Variants in ADGRL2 observed in about 807,000 individuals in gnomAD.
ADGRL2 encodes calcium-independent alpha-latrotoxin receptor 2.
In ADGRL2, 44 loss-of-function variants were observed where a neutral mutation model predicts 157.4. The observed-to-expected ratio is 0.28, with a 90% CI of 0.22 to 0.36. The LOEUF is 0.36. ADGRL2 is among the 10% of genes least tolerant of loss of function. ADGRL2 has a pLI of 1.00. For missense variants in ADGRL2, 1,510 were observed against 1,768.9 expected, an observed-to-expected ratio of 0.85 and a Z score of 2.63; for synonymous variants, 585 against 624.7, an observed-to-expected ratio of 0.94 and a Z score of 0.95.
chr1:81,343,087 C>CTTTTTTTTT lies in ADGRL2; in HGVS notation c.-302+36582_-302+36583insTTTTTTTTT, dbSNP rs764039251. Among the ~76,000 whole-genome samples, 207 of 127,462 alleles carry CTTTTTTTTT rather than the reference C, an allele frequency of 1.6e-3. 6 individuals are homozygous for CTTTTTTTTT. Among genetic ancestry groups the CTTTTTTTTT allele is most frequent in the African/African-American group, 2.8e-3 (94 of 34,030 alleles). The allele number at this position is 127,462 out of a possible 152,430, so 83.6% of individuals were successfully genotyped here. On this transcript the variant is annotated intron_variant, in intron 1 of 24. Transcript: ENST00000370721. ...TTTTTCTTTTCTTTTTTTCTTTTTTCTTTTCTTTTTTTTTTTTTTGAGACA... is the reference window on the plus strand; with the variant it reads ...TTTTTCTTTTCTTTTTTTCTTTTTTCTTTTTTTTTTTTTCTTTTTTTTTTTTTTGAGACA...
chr1:81,517,464 C>CAA (rs397956551), intron 2 of ADGRL2, among the ~76,000 whole-genome samples: 5,463 of 44,278 alleles, frequency 0.12, 434 homozygotes, highest in East Asian at 0.29. Flanking sequence ...GACTCCCTCT[C>CAA]AAAAAAAAAA....
At chr1:81,848,270 G>C (rs1172633996) in intron 2 of ADGRL2, among the ~76,000 whole-genome samples, 3 of 151,748 alleles carry the variant, frequency 2.0e-5, no homozygotes, top group Admixed American at 2.0e-4. Flanking sequence ...TAAAAATAGA[G>C]ACTCCTATAT....
chr1:81,316,238 G>T (rs1030397166), intron 1 of ADGRL2, among the ~76,000 whole-genome samples: 8 of 152,010 alleles, frequency 5.3e-5, no homozygotes, highest in African/African-American at 9.7e-5. Context: ...GAACCATAAA[G>T]GTTAAATGGT....
intron 2 of ADGRL2, among the ~76,000 whole-genome samples, chr1:81,575,447 G>A (rs927146652): frequency 7.0e-6 from 1 of 143,328 alleles, no homozygotes; most frequent in Admixed American, 7.0e-5. Context: ...TAATCATTTC[G>A]TATAAATCAC....
chr1:81,870,092 G>A (rs746539089), intron 2 of ADGRL2, among the ~76,000 whole-genome samples: 23 of 151,962 alleles, frequency 1.5e-4, no homozygotes, highest in Admixed American at 2.6e-4. Flanking sequence ...ACATATTAGC[G>A]TATGTATCTG....
chr1:81,844,483 A>G (rs1261023734), intron 2 of ADGRL2, among the ~76,000 whole-genome samples: 1 of 152,232 alleles, frequency 6.6e-6, no homozygotes, highest in Admixed American at 6.5e-5. Flanking sequence ...CTATTGTAGA[A>G]CATGCTGTGT....
intron 2 of ADGRL2, among the ~76,000 whole-genome samples, chr1:81,762,964 A>G (rs940008316): frequency 6.7e-6 from 1 of 148,288 alleles, no homozygotes; most frequent in Non-Finnish European, 1.5e-5. Context: ...AGGCAGGAGA[A>G]TGGCGTGAAC....
chr1:81,330,425 T>A (rs979283120), intron 1 of ADGRL2, among the ~76,000 whole-genome samples: 7 of 152,180 alleles, frequency 4.6e-5, no homozygotes, highest in African/African-American at 1.7e-4. Flanking sequence ...CCTTGGGGAA[T>A]GTTCTACTGC....
At chr1:81,968,554 T>A (rs1450496528) in intron 14 of ADGRL2, among the ~76,000 whole-genome samples, 1 of 152,204 alleles carries the variant, frequency 6.6e-6, no homozygotes, top group East Asian at 1.9e-4. Flanking sequence ...AATCTAATTT[T>A]ACAACTTTCC....
chr1:81,853,858 A>T (rs913986423), intron 2 of ADGRL2, among the ~76,000 whole-genome samples: 1 of 152,136 alleles, frequency 6.6e-6, no homozygotes, highest in Non-Finnish European at 1.5e-5. Context: ...GTATCACAAG[A>T]TGTTACTAAA....
intron 2 of ADGRL2, among the ~76,000 whole-genome samples, chr1:81,553,442 G>A (rs907847181): frequency 1.3e-5 from 2 of 152,134 alleles, no homozygotes; most frequent in African/African-American, 4.8e-5. Flanking sequence ...AAGGCAAATT[G>A]TAAATGTGTA....
At position 81,331,330 on chromosome 1, in the gene ADGRL2, T is replaced by C. The variant is rs183983379; in HGVS notation, c.-302+24821T>C. Among the ~76,000 whole-genome samples, 113 of 152,254 alleles carry C rather than the reference T, an allele frequency of 7.4e-4. 1 individual carries two copies. Among genetic ancestry groups the C allele is most frequent in the African/African-American group, 2.6e-3 (108 of 41,562 alleles). On this transcript the variant is annotated intron_variant, in intron 1 of 24. Transcript: ENST00000370721. ...TTTGGAAATACTTCATGTTATTACTTAGGATCTGAAATAATGATTAGATAA... is the reference window on the plus strand; with the variant it reads ...TTTGGAAATACTTCATGTTATTACTCAGGATCTGAAATAATGATTAGATAA...
Position 81,837,066 on chromosome 1 carries a change from CA to C in ADGRL2, c.73+10del. On this transcript the variant is annotated intron_variant, in intron 2 of 23. Transcript: ENST00000686636. Reference sequence around the variant, plus strand: ...CTTACCAAATACAGAAGGTAAGATCCAGTTTACATTTTGTTTTTTAAATCCA... The same window carrying C: ...CTTACCAAATACAGAAGGTAAGATCCGTTTACATTTTGTTTTTTAAATCCA... The C allele has an allele frequency of 1.3e-6, 2 of 1,546,322 alleles. No homozygotes were observed. Among genetic ancestry groups the C allele is most frequent in the South Asian group, 2.4e-5 (2 of 82,904 alleles).
At chr1:81,754,581 CTT>C (rs1280552506) in intron 1 of ADGRL2, among the ~76,000 whole-genome samples, 1 of 136,456 alleles carries the variant, frequency 7.3e-6, no homozygotes, top group Non-Finnish European at 1.5e-5. Context: ...CCTCCTTTCT[CTT>C]TCTTTCTTTT....
chr1:81,821,980 A>G (rs2091022552), intron 1 of ADGRL2, among the ~76,000 whole-genome samples: 1 of 152,000 alleles, frequency 6.6e-6, no homozygotes, highest in South Asian at 2.1e-4. Flanking sequence ...ATTAATACTA[A>G]AAAGAAATAA....
intron 1 of ADGRL2, among the ~76,000 whole-genome samples, chr1:81,331,145 A>G (rs1536568): frequency 0.12 from 18,837 of 152,090 alleles, 1,734 homozygotes; most frequent in African/African-American, 0.26. Flanking sequence ...TGGAAAGGGA[A>G]TTTTTCACTT....
At chr1:81,350,389 G>T (rs1449585275) in intron 1 of ADGRL2, among the ~76,000 whole-genome samples, 3 of 152,180 alleles carry the variant, frequency 2.0e-5, no homozygotes, top group Non-Finnish European at 4.4e-5. Context: ...ATTTGTAAAA[G>T]AGTTGTGTTC....
intron 1 of ADGRL2, among the ~76,000 whole-genome samples, chr1:81,391,181 G>A (rs921925180): frequency 7.9e-5 from 12 of 152,280 alleles, no homozygotes; most frequent in African/African-American, 1.9e-4. Context: ...ATTCATTGAT[G>A]CAGCAAACTC....
chr1:81,313,756 A>G (rs184072135), intron 1 of ADGRL2, among the ~76,000 whole-genome samples: 10 of 152,304 alleles, frequency 6.6e-5, no homozygotes, highest in Admixed American at 6.5e-4. Flanking sequence ...AAAAATCAAG[A>G]GGGTATTTCA....
Sources: allele counts gnomAD v4.1 joint callset (sites outside exome capture counted in the v4.1 genomes callset), GRCh38; gene constraint gnomAD v4.1.1; transcripts MANE v1.5; gene names NCBI Gene and HGNC (gene_info 2026-07-23, HGNC 2026-07-21).